SMIM36: variants seen among roughly 807,000 people sequenced by gnomAD.
SMIM36 encodes small integral membrane protein 36.
At chr17:55,501,758 A>G (rs1028765129) in intron 1 of SMIM36, among the ~76,000 whole-genome samples, 1 of 151,526 alleles carries the variant, frequency 6.6e-6, no homozygotes, top group African/African-American at 2.4e-5. Flanking sequence ...GCTCCGGTCT[A>G]CAGCTCCCAG....
intron 1 of SMIM36, among the ~76,000 whole-genome samples, chr17:55,480,418 C>A (rs1909499681): frequency 6.6e-6 from 1 of 151,972 alleles, no homozygotes; most frequent in Non-Finnish European, 1.5e-5. Flanking sequence ...AGGATGAAAA[C>A]CTCTCTCAAA....
At chr17:55,505,356 C>T (rs1910063646) in intron 1 of SMIM36, among the ~76,000 whole-genome samples, 1 of 69,770 alleles carries the variant, frequency 1.4e-5, no homozygotes, top group Non-Finnish European at 2.3e-5. Context: ...AATCCAGCAG[C>T]ACATCAAAAA....
intron 2 of SMIM36, among the ~76,000 whole-genome samples, chr17:55,479,052 A>T (rs950740204): frequency 6.6e-6 from 1 of 152,144 alleles, no homozygotes; most frequent in African/African-American, 2.4e-5. Flanking sequence ...TCTCAATAGG[A>T]TAGCGTCACC....
intron 1 of SMIM36, among the ~76,000 whole-genome samples, chr17:55,501,307 G>GAATA (rs1909955548): frequency 2.3e-4 from 2 of 8,546 alleles, no homozygotes; most frequent in African/African-American, 1.8e-3. Flanking sequence ...TATATATTAT[G>GAATA]TTATATATTA....
the SMIM36 span, among the ~76,000 whole-genome samples, chr17:55,525,179 G>A: frequency 4.6e-5 from 7 of 152,190 alleles, no homozygotes; most frequent in Non-Finnish European, 7.4e-5. Flanking sequence ...AGATGTGCTA[G>A]TTCTTAGCTT....
At chr17:55,487,559 A>G (rs887662430) in intron 1 of SMIM36, among the ~76,000 whole-genome samples, 2 of 152,170 alleles carry the variant, frequency 1.3e-5, no homozygotes, top group Non-Finnish European at 2.9e-5. Flanking sequence ...AAGAAACAGA[A>G]TACTCAAGAA....
At chr17:55,480,736 C>G (rs1002934601) in intron 1 of SMIM36, among the ~76,000 whole-genome samples, 1 of 152,104 alleles carries the variant, frequency 6.6e-6, no homozygotes, top group Non-Finnish European at 1.5e-5. Flanking sequence ...TTCAGTTTCC[C>G]CATAGGAGCT....
intron 1 of SMIM36, among the ~76,000 whole-genome samples, chr17:55,495,379 C>T (rs970059449): frequency 2.0e-5 from 3 of 152,192 alleles, no homozygotes; most frequent in Non-Finnish European, 4.4e-5. Context: ...TGCTACAAAC[C>T]CATGGATTGG....
At chr17:55,459,338 C>T (rs1475729111) in intron 4 of SMIM36, among the ~76,000 whole-genome samples, 3 of 152,186 alleles carry the variant, frequency 2.0e-5, no homozygotes, top group Non-Finnish European at 4.4e-5. Context: ...AAATTTTCTG[C>T]AGCTAGGTCC....
chr17:55,464,252 G>A (rs528705463), intron 4 of SMIM36, among the ~76,000 whole-genome samples: 170 of 152,238 alleles, frequency 1.1e-3, no homozygotes, highest in African/African-American at 3.7e-3. Context: ...TTTATACAAG[G>A]CTCAATATGG....
At chr17:55,493,804 CTCTCA>C (rs1228339655) in intron 1 of SMIM36, among the ~76,000 whole-genome samples, 37 of 88,272 alleles carry the variant, frequency 4.2e-4, no homozygotes, top group African/African-American at 1.5e-3. Context: ...AGCTCTCTCT[CTCTCA>C]AAAAAAAAAA....
chr17:55,514,488 T>A (rs1045361738), upstream of SMIM36, among the ~76,000 whole-genome samples: 1 of 152,246 alleles, frequency 6.6e-6, no homozygotes, highest in Admixed American at 6.5e-5. Flanking sequence ...CCCAATTTTT[T>A]AAAATGAGAA....
chr17:55,512,324 G>T (rs1910195429), upstream of SMIM36, among the ~76,000 whole-genome samples: 1 of 152,190 alleles, frequency 6.6e-6, no homozygotes, highest in Non-Finnish European at 1.5e-5. Flanking sequence ...GCACAAGGTG[G>T]GAGAGGTAGA....
chr17:55,492,242 C>CTTTTTTTTTTTTTTTTTT (rs770501215), intron 1 of SMIM36, among the ~76,000 whole-genome samples: 10 of 111,288 alleles, frequency 9.0e-5, no homozygotes, highest in Non-Finnish European at 1.4e-4. Context: ...TTCTTTCTTT[C>CTTTTTTTTTTTTTTTTTT]TTTTTTTTTT....
chr17:55,455,345 T>C (rs901865710), intron 4 of SMIM36, among the ~76,000 whole-genome samples: 1 of 152,004 alleles, frequency 6.6e-6, no homozygotes, highest in Non-Finnish European at 1.5e-5. Flanking sequence ...TCTCCTTCTA[T>C]TCCTCTCCCA....
chr17:55,455,618 C>T (rs181529534), intron 4 of SMIM36, among the ~76,000 whole-genome samples: 1 of 152,020 alleles, frequency 6.6e-6, no homozygotes, highest in Non-Finnish European at 1.5e-5. Flanking sequence ...AGTGAGACCT[C>T]GTCTCTACGA....
chr17:55,492,305 C>A (rs111408646), intron 1 of SMIM36, among the ~76,000 whole-genome samples: 1 of 136,502 alleles, frequency 7.3e-6, no homozygotes. Context: ...TGCAATGGCG[C>A]GACCTTGGCT....
chr17:55,500,010 T>C (rs1343353547), intron 1 of SMIM36, among the ~76,000 whole-genome samples: 1 of 152,068 alleles, frequency 6.6e-6, no homozygotes, highest in Non-Finnish European at 1.5e-5. Flanking sequence ...CCTGGGTTGT[T>C]GTTTTTTTTT....
rs150254784 is a variant in SMIM36, at chr17:55,470,311, C to T, written c.*348-2983G>A. 7.9e-5 allele frequency among the ~76,000 whole-genome samples: 12 copies of T among 152,318 alleles called. 1 individual carries two copies. Among genetic ancestry groups the T allele is most frequent in the African/African-American group, 2.9e-4 (12 of 41,554 alleles). On this transcript the variant is annotated intron_variant, in intron 3 of 4. Coordinates refer to ENST00000636752, the Ensembl canonical transcript of SMIM36. ...ATCTTCTCTGCTTAGTGGCTGAAGA[C>T]TGACACTGCCTGATCGCCTTGGAAG... is the stretch of plus-strand genomic sequence containing the variant.
Sources: allele counts gnomAD v4.1 joint callset (sites outside exome capture counted in the v4.1 genomes callset), GRCh38; gene constraint gnomAD v4.1.1; transcripts MANE v1.5; gene names NCBI Gene and HGNC (gene_info 2026-07-23, HGNC 2026-07-21).